CREB5: variants seen among roughly 807,000 people sequenced by gnomAD.
CREB5 encodes cyclic AMP-responsive element-binding protein 5.
Under a neutral mutation model 57.1 loss-of-function variants are expected in CREB5, and 19 were observed. The ratio of observed to expected loss-of-function variants is 0.33; its 90% CI spans 0.23 to 0.49. The LOEUF is 0.49. Ranked by LOEUF, CREB5 falls within the 20% of genes least tolerant of loss-of-function variation. The probability of loss-of-function intolerance (pLI) is 0.99; values close to 1 mark genes in which losing one functional copy is unlikely to be tolerated. For missense variants in CREB5, 579 were observed against 671.6 expected (o/e 0.86, Z 1.52); for synonymous variants, 238 against 238.3 (o/e 1.00, Z 0.01).
intron 7 of CREB5, among the ~76,000 whole-genome samples, chr7:28,744,340 CTTTTTTTTTTT>C (rs753167682): frequency 6.4e-4 from 57 of 88,826 alleles, no homozygotes; most frequent in Admixed American, 1.6e-3. Flanking sequence ...TTTAGTACCT[CTTTTTTTTTTT>C]TTTTTTTTTT....
At chr7:28,700,308 C>T (rs1271001788) in intron 5 of CREB5, among the ~76,000 whole-genome samples, 1 of 152,130 alleles carries the variant, frequency 6.6e-6, no homozygotes, top group Non-Finnish European at 1.5e-5. Context: ...ATTCATATGT[C>T]TCCTCTTCGA....
chr7:28,401,717 C>T lies in CREB5; in HGVS notation c.-24-93189C>T, dbSNP rs1250912325. Among the ~76,000 whole-genome samples, 4 of 152,336 alleles carry T rather than the reference C, an allele frequency of 2.6e-5. No homozygotes were observed. In the East Asian group the frequency reaches 7.7e-4, roughly 29 times the overall value. On this transcript the variant is annotated intron_variant, in intron 1 of 9. Coordinates refer to the CREB5 transcript ENST00000396299. ...TGAGAATGATGGTTTCCAGCTTCAT[C>T]CATGTTCCTACAAAGGACATGAACT...
chr7:28,725,400 C>T (rs1447150177), intron 7 of CREB5, among the ~76,000 whole-genome samples: 1 of 152,186 alleles, frequency 6.6e-6, no homozygotes, highest in Non-Finnish European at 1.5e-5. Context: ...ATCAACTGAG[C>T]TCCCAGTGCT....
intron 1 of CREB5, among the ~76,000 whole-genome samples, chr7:28,305,375 CACTACTGG>C (rs1785164805): frequency 2.0e-5 from 3 of 152,114 alleles, no homozygotes; most frequent in Admixed American, 2.0e-4. Context: ...ACCTACAGTC[CACTACTGG>C]ACATGCCTGG....
intron 7 of CREB5, among the ~76,000 whole-genome samples, chr7:28,777,046 C>A (rs1806697259): frequency 6.6e-6 from 1 of 152,138 alleles, no homozygotes; most frequent in Non-Finnish European, 1.5e-5. Context: ...ATTTTCAGTT[C>A]TTTTGGGTAT....
chr7:28,713,341 T>TA (rs1163141234), intron 5 of CREB5, among the ~76,000 whole-genome samples: 1 of 152,240 alleles, frequency 6.6e-6, no homozygotes. Context: ...TGTCTTTGCA[T>TA]AAGCAAATAC....
chr7:28,301,048 A>G lies in CREB5; in HGVS notation c.-25+1607A>G, dbSNP rs564070321. ...AGAGACTGTGATTTAATTGGTTCAC[A>G]GTAGGATCTACATTTTGATCTTTTT... On this transcript the variant is annotated intron_variant, in intron 1 of 9. Coordinates refer to the CREB5 transcript ENST00000396299. Among the ~76,000 whole-genome samples, 5 of 152,338 alleles carry G rather than the reference A, an allele frequency of 3.3e-5. No homozygotes were observed. In the South Asian group the frequency reaches 8.3e-4, roughly 25 times the overall value.
At chr7:28,465,594 T>G (rs1363650370) in intron 1 of CREB5, among the ~76,000 whole-genome samples, 2 of 152,194 alleles carry the variant, frequency 1.3e-5, no homozygotes, top group East Asian at 3.8e-4. Context: ...CTAGCTCTGC[T>G]TTTACTGATA....
intron 5 of CREB5, among the ~76,000 whole-genome samples, chr7:28,667,076 G>C (rs1347634814): frequency 6.6e-6 from 1 of 151,982 alleles, no homozygotes; most frequent in East Asian, 1.9e-4. Flanking sequence ...GTGAAACGAG[G>C]ACTGATGCTC....
intron 1 of CREB5, among the ~76,000 whole-genome samples, chr7:28,482,573 G>A (rs1791378531): frequency 6.6e-6 from 1 of 152,180 alleles, no homozygotes; most frequent in Non-Finnish European, 1.5e-5. Flanking sequence ...TCCTCCTCTA[G>A]AAACCTTTTG....
intron 3 of CREB5, among the ~76,000 whole-genome samples, chr7:28,505,841 T>C (rs978849203): frequency 2.0e-5 from 3 of 152,234 alleles, no homozygotes; most frequent in Non-Finnish European, 4.4e-5. Flanking sequence ...TAAATATTAA[T>C]TTTGTCTTCT....
At chr7:28,766,086 T>TAA (rs5883167) in intron 7 of CREB5, among the ~76,000 whole-genome samples, 26 of 149,844 alleles carry the variant, frequency 1.7e-4, no homozygotes, top group East Asian at 5.9e-4. Flanking sequence ...ACACATCAAC[T>TAA]AAAAAAAAAA....
chr7:28,562,644 G>T (rs892388806), intron 4 of CREB5, among the ~76,000 whole-genome samples: 2 of 152,200 alleles, frequency 1.3e-5, no homozygotes, highest in Non-Finnish European at 2.9e-5. Context: ...CTTCCCTCAA[G>T]TCAAAGGGGA....
At chr7:28,602,548 G>GAT (rs1200613579) in intron 5 of CREB5, among the ~76,000 whole-genome samples, 3 of 152,130 alleles carry the variant, frequency 2.0e-5, no homozygotes, top group Non-Finnish European at 2.9e-5. Context: ...ACAAACAATT[G>GAT]ATATATATGA....
chr7:28,306,546 G>GTTTTTTT lies in CREB5; in HGVS notation c.-25+7107_-25+7113dup, dbSNP rs796910262. Among the ~76,000 whole-genome samples the GTTTTTTT allele has an allele frequency of 6.0e-4, 56 of 93,514 alleles. 4 individuals carry two copies. Among genetic ancestry groups the GTTTTTTT allele is most frequent in the South Asian group, 1.5e-3 (4 of 2,652 alleles). The allele number at this position is 93,514 out of a possible 152,430, so 61.3% of individuals were successfully genotyped here. A position where few individuals can be genotyped will look rare whatever the true frequency, so the allele number is the denominator to read the frequency against. ...TGCCAGTACATACAGATACAGTTTT[G>GTTTTTTT]TTTTTTTTGTTTTTTTTTTTTTTTT... On this transcript the variant is annotated intron_variant, in intron 1 of 9. Transcript: ENST00000396299.
chr7:28,433,557 A>T, intron 1 of CREB5, among the ~76,000 whole-genome samples: 1 of 152,118 alleles, frequency 6.6e-6, no homozygotes, highest in East Asian at 1.9e-4. Flanking sequence ...GTCTAGATTT[A>T]AACTCCTGGG....
chr7:28,507,331 G>A (rs1029434843), intron 3 of CREB5, among the ~76,000 whole-genome samples: 3 of 152,168 alleles, frequency 2.0e-5, no homozygotes, highest in Admixed American at 1.3e-4. Context: ...GTATTCAAAT[G>A]GTACAGACTT....
At chr7:28,697,069 C>A (rs1375606170) in intron 5 of CREB5, among the ~76,000 whole-genome samples, 1 of 151,190 alleles carries the variant, frequency 6.6e-6, no homozygotes, top group Non-Finnish European at 1.5e-5. Context: ...TGCACACATA[C>A]ATATTTATAT....
chr7:28,767,810 T>C lies in CREB5; in HGVS notation c.703-36389T>C, dbSNP rs145914313. On this transcript the variant is annotated intron_variant, in intron 7 of 10. Coordinates refer to ENST00000357727, the MANE Select transcript of CREB5 (RefSeq NM_182898.4). ...AACAAAAGCAGCTCATTTTGCCTAATGCCTCTTCAACCTAAAAGTAGTTTC... is the reference window on the plus strand; with the variant it reads ...AACAAAAGCAGCTCATTTTGCCTAACGCCTCTTCAACCTAAAAGTAGTTTC... Among the ~76,000 whole-genome samples the C allele has an allele frequency of 1.0e-3, 157 of 152,348 alleles. No individual in the cohort carries two copies. The East Asian group carries it at 0.022, about 21-fold the overall frequency.
Sources: gnomAD v4.1 joint callset for allele counts (sites outside exome capture counted in the v4.1 genomes callset) on GRCh38, gnomAD v4.1.1 for gene constraint, MANE v1.5 for transcripts, NCBI Gene and HGNC (gene_info 2026-07-23, HGNC 2026-07-21) for gene names.